The following MACROD2 variants were observed in gnomAD, a reference collection of about 807,000 sequenced individuals.
The protein encoded by MACROD2 is ADP-ribose glycohydrolase MACROD2.
MACROD2 carries 36 observed loss-of-function variants against 70.4 expected under a neutral mutation model. The observed-to-expected ratio is 0.51, with a 90% confidence interval of 0.39 to 0.68. The LOEUF is 0.68. Among genes scored for constraint, MACROD2 ranks in the 30% least tolerant of loss-of-function variants. The pLI, the probability that MACROD2 is intolerant of heterozygous loss-of-function variation, is 0.00. For synonymous variants in MACROD2, 172 were observed against 178.8 expected (o/e 0.96, Z 0.30); for missense variants, 496 against 538.4 (o/e 0.92, Z 0.78).
At position 16,041,165 on chromosome 20, in the gene MACROD2, C is replaced by G. The variant is rs2067302364; in HGVS notation, c.1154-36C>G. The G allele has an allele frequency of 1.9e-6, 3 of 1,570,206 alleles. No homozygotes were observed. In the African/African-American group the frequency reaches 4.1e-5, roughly 21 times the overall value. The stretch of plus-strand genomic sequence containing the variant: ...TTGGCCCTCAGGCTGTTATAATTCT[C>G]TATTCATCAGGGACTGTGGTCTTTT... On this transcript the variant is annotated intron_variant, in intron 15 of 17. Coordinates refer to ENST00000684519, the MANE Select transcript of MACROD2 (RefSeq NM_001351661.2).
intron 10 of MACROD2, among the ~76,000 whole-genome samples, chr20:15,897,653 C>T (rs2064993969): frequency 6.6e-6 from 1 of 151,906 alleles, no homozygotes; most frequent in Non-Finnish European, 1.5e-5. Flanking sequence ...TTTATTTAAT[C>T]TGATGTTTAA....
At chr20:15,148,846 C>G (rs2076248687) in intron 5 of MACROD2, among the ~76,000 whole-genome samples, 2 of 151,990 alleles carry the variant, frequency 1.3e-5, no homozygotes, top group South Asian at 4.1e-4. Context: ...GTTCTACTTT[C>G]CCTGAAGACT....
At chr20:15,969,193 G>A (rs77721909) in intron 13 of MACROD2, among the ~76,000 whole-genome samples, 1,686 of 152,116 alleles carry the variant, frequency 0.011, 24 homozygotes, top group African/African-American at 0.038. Context: ...CAGATTGCTA[G>A]TCCCCTCAGG....
intron 5 of MACROD2, among the ~76,000 whole-genome samples, chr20:14,989,619 T>C (rs2074882246): frequency 6.6e-6 from 1 of 152,130 alleles, no homozygotes; most frequent in Admixed American, 6.5e-5. Flanking sequence ...GGAGATTTCT[T>C]GGAACTCTGG....
rs535334849 is a variant in MACROD2, at chr20:15,322,532, A to C, written c.540+92471A>C. Among the ~76,000 whole-genome samples, 21 of 144,474 alleles carry C rather than the reference A, an allele frequency of 1.5e-4. 6 individuals are homozygous for C. The highest frequency in any genetic ancestry group is 3.1e-4 in the Non-Finnish European group (20 of 63,766). 94.8% of individuals were successfully genotyped at this position (144,474 alleles called of 152,430 possible). On this transcript the variant is annotated intron_variant, in intron 6 of 17. Transcript: ENST00000684519. ...AAATGTCTTTGTGCCAAGGTAGTTAAGTGAAAGAATGGATGAAAACCAAAA... is the reference window on the plus strand; with the variant it reads ...AAATGTCTTTGTGCCAAGGTAGTTACGTGAAAGAATGGATGAAAACCAAAA...
chr20:14,990,779 T>C (rs1228944469), intron 5 of MACROD2, among the ~76,000 whole-genome samples: 1 of 152,140 alleles, frequency 6.6e-6, no homozygotes, highest in Non-Finnish European at 1.5e-5. Context: ...CCCAAAGTGC[T>C]GGGATTACAG....
At chr20:15,663,269 T>C (rs2049848563) in intron 8 of MACROD2, among the ~76,000 whole-genome samples, 1 of 149,306 alleles carries the variant, frequency 6.7e-6, no homozygotes, top group Non-Finnish European at 1.5e-5. Flanking sequence ...AGAGTCTTGC[T>C]CTGTCACCCG....
At chr20:15,315,789 G>A (rs2077802970) in intron 6 of MACROD2, among the ~76,000 whole-genome samples, 1 of 152,114 alleles carries the variant, frequency 6.6e-6, no homozygotes, top group Admixed American at 6.6e-5. Context: ...GTAAAAGCCA[G>A]TATTATTTTA....
intron 3 of MACROD2, among the ~76,000 whole-genome samples, chr20:14,163,617 G>A (rs1459225650): frequency 1.3e-5 from 2 of 151,656 alleles, no homozygotes; most frequent in African/African-American, 4.8e-5. Context: ...GGTATCCTAT[G>A]TCATCTAGGC....
intron 6 of MACROD2, among the ~76,000 whole-genome samples, chr20:15,243,738 AC>A (rs2077080644): frequency 6.6e-6 from 1 of 151,358 alleles, no homozygotes; most frequent in Non-Finnish European, 1.5e-5. Context: ...ACACGGTGAA[AC>A]CCTGTCTCTA....
intron 7 of MACROD2, among the ~76,000 whole-genome samples, chr20:15,461,784 A>T (rs1233084523): frequency 6.6e-6 from 1 of 152,194 alleles, no homozygotes; most frequent in African/African-American, 2.4e-5. Flanking sequence ...CCACATGACA[A>T]GCCACCCAGA....
chr20:14,558,429 C>T (rs111935364), intron 4 of MACROD2, among the ~76,000 whole-genome samples: 17 of 151,678 alleles, frequency 1.1e-4, no homozygotes, highest in African/African-American at 4.1e-4. Flanking sequence ...ATGACCCAAC[C>T]ATATGCTGTC....
chr20:14,662,521 C>T (rs1237877748), intron 4 of MACROD2, among the ~76,000 whole-genome samples: 1 of 152,086 alleles, frequency 6.6e-6, no homozygotes, highest in East Asian at 1.9e-4. Context: ...TTCTGTACAG[C>T]AAAGGAAACT....
chr20:15,952,999 T>C (rs1601202423), intron 12 of MACROD2, among the ~76,000 whole-genome samples: 1 of 152,256 alleles, frequency 6.6e-6, no homozygotes, highest in East Asian at 1.9e-4. Flanking sequence ...AGTCTGCTCA[T>C]GATAAACATA....
At chr20:15,983,806 A>T (rs2066436609) in intron 13 of MACROD2, among the ~76,000 whole-genome samples, 1 of 152,188 alleles carries the variant, frequency 6.6e-6, no homozygotes, top group Non-Finnish European at 1.5e-5. Flanking sequence ...TATTTGATCC[A>T]TTTCAACCAG....
chr20:15,745,440 G>A (rs1401081362), intron 8 of MACROD2, among the ~76,000 whole-genome samples: 1 of 152,024 alleles, frequency 6.6e-6, no homozygotes, highest in Non-Finnish European at 1.5e-5. Context: ...CTTTTCTTTA[G>A]GATGGTCAAC....
intron 4 of MACROD2, among the ~76,000 whole-genome samples, chr20:14,592,922 GT>G (rs1307283702): frequency 3.9e-5 from 6 of 152,178 alleles, no homozygotes; most frequent in African/African-American, 1.4e-4. Context: ...GATAGTTTAA[GT>G]TTCAGGTAAA....
intron 6 of MACROD2, among the ~76,000 whole-genome samples, chr20:15,294,633 A>G (rs1368918101): frequency 6.6e-6 from 1 of 152,164 alleles, no homozygotes; most frequent in Non-Finnish European, 1.5e-5. Flanking sequence ...TGCCTGATAA[A>G]TGGTATTCTC....
At chr20:14,402,418 C>A (rs2083647221) in intron 3 of MACROD2, among the ~76,000 whole-genome samples, 1 of 152,046 alleles carries the variant, frequency 6.6e-6, no homozygotes, top group Non-Finnish European at 1.5e-5. Flanking sequence ...TCTAAATATT[C>A]TAGCTTGGGT....
Sources: allele counts gnomAD v4.1 joint callset (sites outside exome capture counted in the v4.1 genomes callset), GRCh38; gene constraint gnomAD v4.1.1; transcripts MANE v1.5; gene names NCBI Gene and HGNC (gene_info 2026-07-23, HGNC 2026-07-21).